Variants in PRUNE2 observed in about 807,000 individuals in gnomAD.
The protein encoded by PRUNE2 is protein prune homolog 2.
Under a neutral mutation model 252.0 loss-of-function variants are expected in PRUNE2, and 164 were observed. The observed-to-expected ratio is 0.65, with a 90% CI of 0.57 to 0.74. The LOEUF (loss-of-function observed/expected upper bound fraction) is 0.74. Ranked by LOEUF, PRUNE2 falls within the 30% of genes least tolerant of loss-of-function variation. The pLI, the probability that PRUNE2 is intolerant of heterozygous loss-of-function variation, is 0.00. For missense variants in PRUNE2, 3,495 were observed against 3,711.0 expected, an observed-to-expected ratio of 0.94 and a Z score of 1.51; for synonymous variants, 1,292 against 1,350.2, an observed-to-expected ratio of 0.96 and a Z score of 0.94.
chr9:76,710,275 T>C lies in PRUNE2; in HGVS notation c.1999A>G (p.Ile667Val), dbSNP rs563112912. The change falls in exon 8 of 19, where the codon ATT becomes GTT. Residue 667 changes from isoleucine (I) to valine (V), a missense_variant. Transcript: ENST00000376718. ...WGGLEIDSKNIADAWSSSEQE... is the reference protein window; with the variant it reads ...WGGLEIDSKNVADAWSSSEQE... ...TCACTGGAACTCCACGCATCTGCAA[T>C]ATTTTTGGAGTCAATTTCCAAACCA... is the stretch of plus-strand genomic sequence containing the variant. The C allele has an allele frequency of 5.0e-6, 8 of 1,613,970 alleles. No homozygotes were observed. In the East Asian group the frequency reaches 1.6e-4, roughly 31 times the overall value.
At chr9:76,644,273 GA>G (rs1843822139) in intron 12 of PRUNE2, among the ~76,000 whole-genome samples, 1 of 151,944 alleles carries the variant, frequency 6.6e-6, no homozygotes, top group Non-Finnish European at 1.5e-5. Flanking sequence ...TCAGTTAGGG[GA>G]AACAATTACC....
intron 6 of PRUNE2, among the ~76,000 whole-genome samples, chr9:76,727,048 C>T (rs2048161099): frequency 6.6e-6 from 1 of 152,194 alleles, no homozygotes; most frequent in Admixed American, 6.5e-5. Flanking sequence ...GTTTCTCAAC[C>T]TTGGCACTAC....
At chr9:76,620,053 G>A (rs1251714702) in intron 17 of PRUNE2, among the ~76,000 whole-genome samples, 1 of 151,994 alleles carries the variant, frequency 6.6e-6, no homozygotes. Context: ...ATACTGGTGT[G>A]ATTTCTCTGT....
chr9:76,660,597 G>A (rs1439640898), intron 9 of PRUNE2, among the ~76,000 whole-genome samples: 8 of 151,590 alleles, frequency 5.3e-5, no homozygotes, highest in Non-Finnish European at 1.2e-4. Context: ...GCCTGGCCAA[G>A]ATGGTGAAAC....
chr9:76,848,602 G>T (rs747479107), intron 3 of PRUNE2, among the ~76,000 whole-genome samples: 2 of 152,174 alleles, frequency 1.3e-5, no homozygotes, highest in African/African-American at 4.8e-5. Flanking sequence ...AGTGTCCACT[G>T]GTTAAGGTTA....
chr9:76,690,603 G>A (rs556429149), intron 9 of PRUNE2, among the ~76,000 whole-genome samples: 124 of 152,140 alleles, frequency 8.2e-4, no homozygotes, highest in Non-Finnish European at 1.5e-3. Flanking sequence ...GTAAATAGAA[G>A]TTCACTGGGA....
At chr9:76,838,656 A>G (rs2059207384) in intron 4 of PRUNE2, among the ~76,000 whole-genome samples, 1 of 150,830 alleles carries the variant, frequency 6.6e-6, no homozygotes, top group South Asian at 2.1e-4. Context: ...AAAAAAAAAA[A>G]AAAAAAAAAA....
chr9:76,677,168 C>G (rs765941964), intron 9 of PRUNE2, among the ~76,000 whole-genome samples: 20 of 152,270 alleles, frequency 1.3e-4, no homozygotes, highest in Non-Finnish European at 2.5e-4. Context: ...TTTTCCAATT[C>G]AATAGTTTCT....
intron 9 of PRUNE2, among the ~76,000 whole-genome samples, chr9:76,662,721 C>T (rs1262112699): frequency 1.3e-5 from 2 of 152,118 alleles, no homozygotes; most frequent in East Asian, 1.9e-4. Context: ...AAATATATAC[C>T]TCCATAAAAA....
chr9:76,823,541 G>A lies in PRUNE2; in HGVS notation c.756+91C>T, dbSNP rs938218933. The A allele has an allele frequency of 1.5e-5, 12 of 798,806 alleles. No individual in the cohort carries two copies. In the African/African-American group the frequency reaches 2.0e-4, roughly 14 times the overall value. The allele number at this position is 798,806 out of a possible 1,614,324, so 49.5% of individuals were successfully genotyped here. A position where few individuals can be genotyped will look rare whatever the true frequency, so the allele number is the denominator to read the frequency against. ...TCACAAAGAAGCAAAGGACTATCAT[G>A]GACTTATCCAATGGAGAGAGTTACA... On this transcript the variant is annotated intron_variant, in intron 6 of 18. Coordinates refer to ENST00000376718, the MANE Select transcript of PRUNE2 (RefSeq NM_015225.3).
intron 1 of PRUNE2, among the ~76,000 whole-genome samples, chr9:76,894,406 C>T (rs568919384): frequency 1.3e-5 from 2 of 152,286 alleles, no homozygotes; most frequent in South Asian, 4.1e-4. Flanking sequence ...CCCCTTCTTG[C>T]CTCCTTGGAG....
intron 9 of PRUNE2, among the ~76,000 whole-genome samples, chr9:76,700,488 T>A (rs764411788): frequency 2.6e-5 from 4 of 152,180 alleles, no homozygotes; most frequent in Non-Finnish European, 5.9e-5. Flanking sequence ...TTCATCCCAG[T>A]TCACTCAGCT....
At chr9:76,718,797 T>C (rs997057753) in intron 6 of PRUNE2, among the ~76,000 whole-genome samples, 1 of 152,116 alleles carries the variant, frequency 6.6e-6, no homozygotes, top group African/African-American at 2.4e-5. Flanking sequence ...TTAATAAGTA[T>C]CTCAAGTAAA....
chr9:76,803,236 C>T (rs2056688222), intron 6 of PRUNE2, among the ~76,000 whole-genome samples: 1 of 152,200 alleles, frequency 6.6e-6, no homozygotes, highest in Non-Finnish European at 1.5e-5. Flanking sequence ...GATACATTGC[C>T]TTGGTGCTTC....
intron 1 of PRUNE2, among the ~76,000 whole-genome samples, chr9:76,860,759 C>T (rs1012062071): frequency 1.3e-5 from 2 of 152,162 alleles, no homozygotes; most frequent in Non-Finnish European, 2.9e-5. Flanking sequence ...TCCCTCATTT[C>T]TAACCAAAAA....
intron 4 of PRUNE2, among the ~76,000 whole-genome samples, chr9:76,843,889 G>A (rs77659617): frequency 0.085 from 12,895 of 151,750 alleles, 682 homozygotes; most frequent in East Asian, 0.15. Context: ...CCACCACACC[G>A]GCTAATTTTT....
intron 6 of PRUNE2, among the ~76,000 whole-genome samples, chr9:76,755,765 C>T (rs1264745513): frequency 1.3e-5 from 2 of 152,158 alleles, no homozygotes; most frequent in African/African-American, 4.8e-5. Context: ...TGCAGTGACG[C>T]AATCTCGGCT....
chr9:76,833,886 GT>G (rs71354685), intron 4 of PRUNE2, among the ~76,000 whole-genome samples: 31 of 141,278 alleles, frequency 2.2e-4, no homozygotes, highest in East Asian at 6.4e-4. Flanking sequence ...GGGTTTTTTT[GT>G]TTTTTTTTTT....
rs1564106334 is a variant in PRUNE2, at chr9:76,708,025, T to C, written c.4249A>G (p.Thr1417Ala). The C allele has an allele frequency of 6.2e-7, 1 of 1,613,988 alleles. No individual in the cohort carries two copies. Among genetic ancestry groups the C allele is most frequent in the Non-Finnish European group, 8.5e-7 (1 of 1,179,882 alleles). The change falls in exon 8 of 19, where the codon ACA becomes GCA. Residue 1417 changes from threonine to alanine, a missense_variant. By Grantham distance (58) the Thr-to-Ala change is moderately conservative. Transcript: ENST00000376718. ...SYNLDSRDVQ[T>A]GMSADNLQPK... ...TGCAGGTTATCTGCGGACATCCCTG[T>C]TTGCACATCACGGGAGTCTAGATTG...
Sources: allele counts gnomAD v4.1 joint callset (sites outside exome capture counted in the v4.1 genomes callset), GRCh38; gene constraint gnomAD v4.1.1; transcripts MANE v1.5; gene names NCBI Gene and HGNC (gene_info 2026-07-23, HGNC 2026-07-21).